The following PWP1 variants were observed in gnomAD, a reference collection of about 807,000 sequenced individuals.
PWP1 encodes periodic tryptophan protein 1 homolog.
A neutral mutation model predicts 69.9 loss-of-function variants in PWP1; 47 were observed. The observed-to-expected ratio is 0.67, with a 90% CI of 0.53 to 0.86. PWP1 has a LOEUF of 0.86. PWP1 is among the 40% of genes least tolerant of loss of function. The probability of loss-of-function intolerance (pLI) is 0.00; values close to 1 mark genes in which losing one functional copy is unlikely to be tolerated. For synonymous variants in PWP1, 222 were observed against 208.2 expected (o/e 1.07, Z -0.57); for missense variants, 551 against 608.8 (o/e 0.91, Z 1.00).
Position 107,697,582 on chromosome 12 carries a change from A to G in PWP1, c.729A>G (p.Lys243=). The change falls in exon 7 of 15, where the codon AAA becomes AAG. Residue 243 remains lysine (K), a synonymous_variant. Coordinates refer to ENST00000412830, the MANE Select transcript of PWP1 (RefSeq NM_007062.3). ...TLGSKLSKKK[K]KKGKKSSSAE... ...GAAGTAAACTTTCAAAAAAGAAGAA[A>G]AAGAAAGGAAAGAAGGTAAAGAAGT... 6.2e-7 allele frequency: 1 copy of G among 1,602,126 alleles called. No homozygotes were observed. The highest frequency in any genetic ancestry group is 8.5e-7 in the Non-Finnish European group (1 of 1,176,250).
intron 7 of PWP1, among the ~76,000 whole-genome samples, chr12:107,698,380 GC>G (rs1889635095): frequency 6.6e-6 from 1 of 151,862 alleles, no homozygotes; most frequent in Non-Finnish European, 1.5e-5. Context: ...GAACTGCTAG[GC>G]CAGTCATAGT....
chr12:107,686,166 A>G (rs1200896547), intron 1 of PWP1, 195 bp downstream of exon 1: 4 of 627,250 alleles, frequency 6.4e-6, no homozygotes, highest in Non-Finnish European at 1.1e-5. Context: ...TGGAGAGTCA[A>G]GGGCCGCGCC....
At chr12:107,697,380 T>G in intron 6 of PWP1, 87 bp from the exon 7 acceptor site, 2 of 1,331,800 alleles carry the variant, frequency 1.5e-6, no homozygotes, top group Non-Finnish European at 2.0e-6. Flanking sequence ...AAAGCATTTT[T>G]CAGTTAATCT....
chr12:107,710,379 TCAC>T, intron 13 of PWP1, 23 bp from the exon 14 acceptor site: 1 of 1,610,556 alleles, frequency 6.2e-7, no homozygotes, highest in Non-Finnish European at 8.5e-7. Flanking sequence ...GAGATTGAAA[TCAC>T]CATCTTCCTG....
rs562699770 is a variant in PWP1 at position 107,699,481 on chromosome 12, G to A, written c.806+47G>A. The A allele has an allele frequency of 6.1e-6, 9 of 1,476,210 alleles. No individual in the cohort carries two copies. The South Asian group carries it at 9.2e-5, about 15-fold the overall frequency. The allele number at this position is 1,476,210 out of a possible 1,614,324, so 91.4% of individuals were successfully genotyped here. A position where few individuals can be genotyped will look rare whatever the true frequency, so the allele number is the denominator to read the frequency against. On this transcript the variant is annotated intron_variant, in intron 8 of 14. Coordinates refer to ENST00000412830, the MANE Select transcript of PWP1 (RefSeq NM_007062.3). ...ATGATTGTAAAAGACTGTAGCCATT[G>A]TGATCTTACCTCATGCCTACACTCA...
chr12:107,690,980 C>G (rs1889469676), intron 3 of PWP1, among the ~76,000 whole-genome samples: 1 of 152,092 alleles, frequency 6.6e-6, no homozygotes, highest in Admixed American at 6.6e-5. Context: ...ACAGGAAGAT[C>G]AGTAAACAAC....
chr12:107,693,876 A>G (rs1294129313), intron 5 of PWP1, among the ~76,000 whole-genome samples: 1 of 151,990 alleles, frequency 6.6e-6, no homozygotes, highest in Non-Finnish European at 1.5e-5. Context: ...TTTTAAATAG[A>G]GTTATTTCAG....
rs1371348838 is a variant in PWP1, at chr12:107,699,377, C to A, written c.749C>A (p.Ser250Tyr). 3.1e-6 allele frequency: 5 copies of A among 1,611,370 alleles called. No homozygotes were observed. Among genetic ancestry groups the A allele is most frequent in the Non-Finnish European group, 3.4e-6 (4 of 1,177,944 alleles). ...TAATTAAAACAATTATTACAGAGTT[C>A]CTCAGCAGAAGGGCATACCGATGCT... ...KKKKKKGKKS[S>Y]SAEGHTDAVL... is the part of the protein sequence containing the mutation. The change falls in exon 8 of 15, where the codon TCC (serine) becomes TAC (tyrosine). Residue 250 changes from serine (S) to tyrosine (Y), a missense_variant. Physicochemically the swap from Ser to Tyr is moderately radical, Grantham distance 144. Coordinates refer to ENST00000412830, the MANE Select transcript of PWP1 (RefSeq NM_007062.3).
Position 107,688,675 on chromosome 12 carries a change from G to T in PWP1, c.192G>T (p.Gln64His). Residue 64 changes from glutamine (Q) to histidine (H), a missense_variant, in exon 3 of 15, where the codon CAG (glutamine) becomes CAT (histidine). Gln to His is a conservative substitution (Grantham distance 24). Coordinates refer to ENST00000412830, the MANE Select transcript of PWP1 (RefSeq NM_007062.3). ...ETGSPSEDGM[Q>H]SARTQARPRE... Reference sequence around the variant, plus strand: ...GCAGTCCTTCAGAAGATGGCATGCAGAGTGCACGCACCCAGGCACGCCCAA... The same window carrying T: ...GCAGTCCTTCAGAAGATGGCATGCATAGTGCACGCACCCAGGCACGCCCAA... 6.2e-7 allele frequency: 1 copy of T among 1,614,200 alleles called. No individual in the cohort carries two copies. Among genetic ancestry groups the T allele is most frequent in the Non-Finnish European group, 8.5e-7 (1 of 1,180,006 alleles).
At chr12:107,692,381 C>A (rs1593142114) in intron 3 of PWP1, among the ~76,000 whole-genome samples, 2 of 152,276 alleles carry the variant, frequency 1.3e-5, no homozygotes, top group Non-Finnish European at 1.5e-5. Flanking sequence ...TTTTTTGAAA[C>A]CTGTCATTTC....
rs993907315 is a variant in PWP1, at chr12:107,704,630, G to C, written c.966-6G>C. ...TAAAACCCTAACTTTGCCTGAATGT[G>C]TCTAGGTCAGTGGCTTTGTATGACT... On this transcript the variant is annotated splice_region_variant and splice_polypyrimidine_tract_variant and intron_variant, in intron 10 of 14. Coordinates refer to ENST00000412830, the MANE Select transcript of PWP1 (RefSeq NM_007062.3). The C allele has an allele frequency of 1.2e-6, 2 of 1,612,364 alleles. No individual in the cohort carries two copies. Among genetic ancestry groups the C allele is most frequent in the Non-Finnish European group, 1.7e-6 (2 of 1,178,604 alleles).
At chr12:107,698,519 T>C (rs1889639039) in intron 7 of PWP1, among the ~76,000 whole-genome samples, 1 of 152,028 alleles carries the variant, frequency 6.6e-6, no homozygotes, top group African/African-American at 2.4e-5. Flanking sequence ...CAGAGCGAGA[T>C]TTTGTCTCTA....
chr12:107,705,202 C>G (rs1005737424), intron 11 of PWP1, among the ~76,000 whole-genome samples: 2 of 151,972 alleles, frequency 1.3e-5, no homozygotes, highest in Non-Finnish European at 2.9e-5. Flanking sequence ...TCTAAATACC[C>G]TTATTATCTA....
Position 107,710,442 on chromosome 12 carries a change from CATTT to C in PWP1, c.1335_1338del (p.Ile445MetfsTer15). Reference sequence around the variant, plus strand: ...TGTTCTTCATGTTGCCCTGATTTGCCATTTATTTATGCCTTTGGAGGTCAAAAAG... The same window carrying C: ...TGTTCTTCATGTTGCCCTGATTTGCCATTTATGCCTTTGGAGGTCAAAAAG... On this transcript the variant is annotated frameshift_variant, in exon 14 of 15. Transcript: ENST00000412830. LOFTEE classifies it high-confidence loss of function. 6.2e-7 allele frequency: 1 copy of C among 1,607,702 alleles called. No homozygotes were observed. Among genetic ancestry groups the C allele is most frequent in the Non-Finnish European group, 8.5e-7 (1 of 1,175,994 alleles).
At chr12:107,688,030 CAAAAAAAAAAAAAA>C (rs56255249) in intron 1 of PWP1, among the ~76,000 whole-genome samples, 45 of 37,620 alleles carry the variant, frequency 1.2e-3, no homozygotes, top group East Asian at 6.7e-3. Flanking sequence ...GACTCCGTCT[CAAAAAAAAAAAAAA>C]AAAAAAAAAA....
At position 107,688,607 on chromosome 12, in the gene PWP1, G is replaced by C. The variant is rs762168944; in HGVS notation, c.132-8G>C. 6.2e-7 allele frequency: 1 copy of C among 1,612,846 alleles called. No homozygotes were observed. The highest frequency in any genetic ancestry group is 8.5e-7 in the Non-Finnish European group (1 of 1,179,054). On this transcript the variant is annotated splice_region_variant and splice_polypyrimidine_tract_variant and intron_variant, in intron 2 of 14. Coordinates refer to ENST00000412830, the MANE Select transcript of PWP1 (RefSeq NM_007062.3). ...TGGGTGATTCTCTTTTTCTTTCTGT[G>C]CTCATAGAGAAGAAGGTGGTGGCAG... is the stretch of plus-strand genomic sequence containing the variant.
rs148712905 is a variant in PWP1 at position 107,708,428 on chromosome 12, CTTCT to C, written c.1078-488_1078-485del. On this transcript the variant is annotated intron_variant, in intron 11 of 14. Coordinates refer to ENST00000412830, the MANE Select transcript of PWP1 (RefSeq NM_007062.3). Reference sequence around the variant, plus strand: ...TATCTGTCTCTTAATTCCTTCATTTCTTCTTTCTTTCTTGACAGTGTAACAATGC... The same window carrying C: ...TATCTGTCTCTTAATTCCTTCATTTCTTCTTTCTTGACAGTGTAACAATGC... Among the ~76,000 whole-genome samples the C allele has an allele frequency of 9.4e-3, 1,434 of 152,132 alleles. 21 individuals are homozygous for C. The highest frequency in any genetic ancestry group is 0.032 in the African/African-American group (1,339 of 41,472).
At chr12:107,692,002 G>C (rs1176739698) in intron 3 of PWP1, among the ~76,000 whole-genome samples, 1 of 152,194 alleles carries the variant, frequency 6.6e-6, no homozygotes, top group African/African-American at 2.4e-5. Context: ...GCAGAGGATA[G>C]TTTTTTCTAT....
intron 11 of PWP1, 66 bp downstream of exon 11, chr12:107,704,813 G>T: frequency 7.8e-7 from 1 of 1,284,868 alleles, no homozygotes; most frequent in Non-Finnish European, 1.1e-6. Flanking sequence ...TTCCATAGTA[G>T]AGAGAATTAT....
Sources: allele counts gnomAD v4.1 joint callset (sites outside exome capture counted in the v4.1 genomes callset), GRCh38; gene constraint gnomAD v4.1.1; transcripts MANE v1.5; gene names NCBI Gene and HGNC (gene_info 2026-07-23, HGNC 2026-07-21).